Variants in FOXO3 observed in about 807,000 individuals in gnomAD.
FOXO3 encodes the protein forkhead box O3.
In FOXO3, 4 loss-of-function variants were observed where a neutral mutation model predicts 41.9. The observed-to-expected ratio is 0.10, with a 90% confidence interval of 0.05 to 0.22. FOXO3 has a LOEUF of 0.22. FOXO3 is among the 10% of genes least tolerant of loss of function. The pLI, the probability that FOXO3 is intolerant of heterozygous loss-of-function variation, is 1.00. For synonymous variants in FOXO3, 318 were observed against 389.3 expected (o/e 0.82, Z 2.16); for missense variants, 534 against 906.8 (o/e 0.59, Z 5.28).
At chr6:108,596,901 C>G (rs889543218) in intron 1 of FOXO3, among the ~76,000 whole-genome samples, 1 of 150,630 alleles carries the variant, frequency 6.6e-6, no homozygotes, top group Non-Finnish European at 1.5e-5. Flanking sequence ...TTTCTTTTTT[C>G]TTTTTTTTAA....
chr6:108,619,969 A>C (rs1777621887), intron 1 of FOXO3, among the ~76,000 whole-genome samples: 1 of 152,176 alleles, frequency 6.6e-6, no homozygotes, highest in South Asian at 2.1e-4. Flanking sequence ...TCATATCCTA[A>C]ACCTGTCTGT....
intron 1 of FOXO3, among the ~76,000 whole-genome samples, chr6:108,646,282 G>A (rs980905933): frequency 6.6e-6 from 1 of 152,182 alleles, no homozygotes. Context: ...TAACTTCGAA[G>A]AAGGCTGAGG....
intron 1 of FOXO3, among the ~76,000 whole-genome samples, chr6:108,649,418 A>G (rs1453997101): frequency 1.3e-5 from 2 of 151,940 alleles, no homozygotes; most frequent in African/African-American, 4.8e-5. Flanking sequence ...AAGCAAAGAC[A>G]TTCAGTAACA....
intron 2 of FOXO3, among the ~76,000 whole-genome samples, chr6:108,674,139 G>C (rs561058929): frequency 1.3e-5 from 2 of 152,292 alleles, no homozygotes; most frequent in South Asian, 4.1e-4. Flanking sequence ...TTCACATAAA[G>C]TACTGCAAAT....
rs143813197 is a variant in FOXO3, at chr6:108,575,540, C to T, written c.621+13711C>T. 3.2e-4 allele frequency among the ~76,000 whole-genome samples: 48 copies of T among 152,242 alleles called. No individual in the cohort carries two copies. The East Asian group carries it at 8.3e-3, about 26-fold the overall frequency. On this transcript the variant is annotated intron_variant, in intron 1 of 2. Coordinates refer to ENST00000406360, the MANE Select transcript of FOXO3 (RefSeq NM_001455.4). The stretch of plus-strand genomic sequence containing the variant: ...AAAACAAAACTACCTAATTTAAAAG[C>T]GTTGCGATGGGTCTTCCAGAGTTTT...
At chr6:108,622,428 T>A (rs1200764230) in intron 1 of FOXO3, among the ~76,000 whole-genome samples, 1 of 152,054 alleles carries the variant, frequency 6.6e-6, no homozygotes, top group Non-Finnish European at 1.5e-5. Flanking sequence ...CCTTTTGGGG[T>A]CAAATGAGAG....
At chr6:108,585,311 G>A (rs1436955750) in intron 1 of FOXO3, among the ~76,000 whole-genome samples, 3 of 152,280 alleles carry the variant, frequency 2.0e-5, no homozygotes, top group African/African-American at 7.2e-5. Context: ...CCAAAGTGCT[G>A]GGATTACAGG....
chr6:108,593,712 C>CTTTTTTTTTTTTTTTTTTTTTTTT, intron 1 of FOXO3, among the ~76,000 whole-genome samples: 1 of 83,330 alleles, frequency 1.2e-5, no homozygotes, highest in Non-Finnish European at 2.2e-5. Flanking sequence ...TTTTCTTCTT[C>CTTTTTTTTTTTTTTTTTTTTTTTT]TTTTTTTTTT....
At chr6:108,644,867 TTATG>T (rs1463342369) in intron 1 of FOXO3, among the ~76,000 whole-genome samples, 2 of 152,208 alleles carry the variant, frequency 1.3e-5, no homozygotes, top group African/African-American at 4.8e-5. Flanking sequence ...CAATTTGTAA[TTATG>T]TATGTATTTG....
At chr6:108,661,906 T>C (rs75434289) in intron 1 of FOXO3, among the ~76,000 whole-genome samples, 4,721 of 152,322 alleles carry the variant, frequency 0.031, 238 homozygotes, top group African/African-American at 0.11. Flanking sequence ...GTTGCAGAGA[T>C]AGTAGAGAGT....
intron 2 of FOXO3, 141 bp downstream of exon 2, chr6:108,665,030 C>A: frequency 1.1e-6 from 1 of 937,244 alleles, no homozygotes; most frequent in Non-Finnish European, 1.6e-6. Flanking sequence ...TGGCTCCCAG[C>A]CAGTTCCATC....
At chr6:108,575,066 G>A (rs546644266) in intron 1 of FOXO3, among the ~76,000 whole-genome samples, 1 of 152,192 alleles carries the variant, frequency 6.6e-6, no homozygotes, top group African/African-American at 2.4e-5. Flanking sequence ...CTGGGTACAA[G>A]CCTGAAGTGT....
At chr6:108,593,853 A>C (rs555184375) in intron 1 of FOXO3, among the ~76,000 whole-genome samples, 3,186 of 150,504 alleles carry the variant, frequency 0.021, 113 homozygotes, top group African/African-American at 0.072. Flanking sequence ...AGTAGCTGGG[A>C]TTACAGGCAT....
intron 1 of FOXO3, among the ~76,000 whole-genome samples, chr6:108,632,921 G>T (rs1778016875): frequency 6.6e-6 from 1 of 152,070 alleles, no homozygotes. Flanking sequence ...TCATATGTTA[G>T]TATATTACAG....
intron 1 of FOXO3, among the ~76,000 whole-genome samples, chr6:108,569,994 T>TTTTTA (rs1413383755): frequency 4.4e-5 from 1 of 22,982 alleles, no homozygotes; most frequent in Non-Finnish European, 1.5e-4. Context: ...GTGGTTTTTT[T>TTTTTA]TTTTTTTTTT....
chr6:108,670,909 G>A (rs1297038927), intron 2 of FOXO3, among the ~76,000 whole-genome samples: 1 of 152,206 alleles, frequency 6.6e-6, no homozygotes, highest in Admixed American at 6.5e-5. Flanking sequence ...GCTCAAGAAA[G>A]GCCTGAAATC....
At position 108,649,181 on chromosome 6, in the gene FOXO3, G is replaced by T. The variant is rs148120666; in HGVS notation, c.622-14274G>T. Among the ~76,000 whole-genome samples the T allele has an allele frequency of 6.3e-3, 956 of 152,162 alleles. 3 individuals carry two copies. Among genetic ancestry groups the T allele is most frequent in the Middle Eastern group, 0.02 (6 of 294 alleles). ...TCTTCCTTGCCCCCGAATCCCACAG[G>T]GGTGACATAGATAGGCCCAGGTTGA... On this transcript the variant is annotated intron_variant, in intron 1 of 2. Transcript: ENST00000406360.
Position 108,680,749 on chromosome 6 carries a change from A to AG in FOXO3, c.*959dup, listed in dbSNP as rs1770813306. The AG allele has an allele frequency of 1.3e-5, 1 of 78,506 alleles. No individual in the cohort carries two copies. The highest frequency in any genetic ancestry group is 3.7e-5 in the Non-Finnish European group (1 of 26,676). The allele number at this position is 78,506 out of a possible 1,614,324, so 4.9% of individuals were successfully genotyped here. ...GGGTTTAGTTTTAAGGAGAAAGAAA[A>AG]GGAAAAAAAAAAAAAACAAAAAAGT... On this transcript the variant is annotated 3_prime_UTR_variant, in exon 3 of 3. Transcript: ENST00000406360.
intron 1 of FOXO3, among the ~76,000 whole-genome samples, chr6:108,633,314 G>A (rs976111679): frequency 6.6e-6 from 1 of 151,880 alleles, no homozygotes; most frequent in Non-Finnish European, 1.5e-5. Context: ...AGGGAATGTG[G>A]GTATGAAAGT....
Sources: allele counts gnomAD v4.1 joint callset (sites outside exome capture counted in the v4.1 genomes callset), GRCh38; gene constraint gnomAD v4.1.1; transcripts MANE v1.5; gene names NCBI Gene and HGNC (gene_info 2026-07-23, HGNC 2026-07-21).